ANKRD36B: variants seen among roughly 807,000 people sequenced by gnomAD.
The protein encoded by ANKRD36B is ankyrin repeat domain 36B.
A neutral mutation model predicts 135.7 loss-of-function variants in ANKRD36B; 37 were observed. The observed-to-expected ratio is 0.27, with a 90% CI of 0.21 to 0.36. ANKRD36B has a LOEUF of 0.36. ANKRD36B is among the 10% of genes least tolerant of loss of function. ANKRD36B has a pLI of 1.00. For missense variants in ANKRD36B, 549 were observed against 1,037.1 expected, an observed-to-expected ratio of 0.53 and a Z score of 6.46; for synonymous variants, 179 against 348.1, an observed-to-expected ratio of 0.51 and a Z score of 5.41.
At chr2:97,573,527 G>C (rs2082025867) in intron 6 of ANKRD36B, among the ~76,000 whole-genome samples, 1 of 151,976 alleles carries the variant, frequency 6.6e-6, no homozygotes. Context: ...TCACAGAATT[G>C]GAAAAAACTA....
intron 11 of ANKRD36B, 28 bp from the exon 12 acceptor site, chr2:97,557,037 A>C (rs985169865): frequency 4.5e-5 from 69 of 1,548,486 alleles, no homozygotes; most frequent in Admixed American, 1.4e-4. Flanking sequence ...CAAAATAGTC[A>C]ATACATAATA....
intron 6 of ANKRD36B, among the ~76,000 whole-genome samples, chr2:97,570,742 G>C (rs1335824631): frequency 6.6e-6 from 1 of 152,156 alleles, no homozygotes; most frequent in South Asian, 2.1e-4. Context: ...TTTGCCCTGA[G>C]CCAATTTTAC....
intron 3 of ANKRD36B, among the ~76,000 whole-genome samples, chr2:97,581,549 T>C (rs2082634114): frequency 6.6e-6 from 1 of 151,818 alleles, no homozygotes; most frequent in African/African-American, 2.4e-5. Flanking sequence ...GAAATGTTAT[T>C]CTCAATTACA....
At chr2:97,570,279 C>A (rs1340648963) in intron 6 of ANKRD36B, among the ~76,000 whole-genome samples, 4 of 152,058 alleles carry the variant, frequency 2.6e-5, no homozygotes, top group African/African-American at 9.7e-5. Flanking sequence ...ATTTTTAAGA[C>A]ACCTAAAATT....
chr2:97,538,581 A>T (rs1216799262), intron 30 of ANKRD36B, among the ~76,000 whole-genome samples: 1 of 96,388 alleles, frequency 1.0e-5, no homozygotes, highest in African/African-American at 3.1e-5. Context: ...AATTACAAAG[A>T]GGTATTTTGC....
At chr2:97,524,097 A>G (rs1449892241) in intron 35 of ANKRD36B, 1 of 90,090 alleles carries the variant, frequency 1.1e-5, no homozygotes, top group African/African-American at 3.3e-5. Context: ...TTTGCACTAC[A>G]GTTGTCACAT....
chr2:97,562,175 T>C (rs578196434), intron 6 of ANKRD36B, among the ~76,000 whole-genome samples: 1 of 151,732 alleles, frequency 6.6e-6, no homozygotes, highest in South Asian at 2.1e-4. Context: ...CCTATGAAAA[T>C]AAACTAAACA....
chr2:97,566,218 G>A (rs974901185), intron 6 of ANKRD36B, among the ~76,000 whole-genome samples: 23 of 152,156 alleles, frequency 1.5e-4, no homozygotes, highest in African/African-American at 5.5e-4. Context: ...CTACTCGGGA[G>A]GCTGAGACAG....
In ANKRD36B at chr2:97,529,770, A is replaced by T. The variant is rs2078459472; in HGVS notation, c.2265+2541T>A. Among the ~76,000 whole-genome samples the T allele has an allele frequency of 2.1e-5, 2 of 95,388 alleles. 1 individual carries two copies. Among genetic ancestry groups the T allele is most frequent in the Non-Finnish European group, 5.6e-5 (2 of 35,512 alleles). 62.6% of individuals were successfully genotyped at this position (95,388 alleles called of 152,430 possible). A position where few individuals can be genotyped will look rare whatever the true frequency, so the allele number is the denominator to read the frequency against. On this transcript the variant is annotated intron_variant, in intron 35 of 43. Transcript: ENST00000359901. ...TCTTATACAACAATAACAGACAAAC[A>T]GAGAGCCAAATCATGAGTGAATTCC...
chr2:97,548,589 T>C (rs2079723859), intron 20 of ANKRD36B, among the ~76,000 whole-genome samples: 2 of 151,938 alleles, frequency 1.3e-5, no homozygotes, highest in Non-Finnish European at 2.9e-5. Context: ...ATAGCTTTGT[T>C]GGGAGTATCA....
intron 10 of ANKRD36B, among the ~76,000 whole-genome samples, chr2:97,558,209 T>C (rs1430536348): frequency 6.6e-6 from 1 of 152,040 alleles, no homozygotes; most frequent in Non-Finnish European, 1.5e-5. Flanking sequence ...TCCTTCCTGC[T>C]TCCACTGTTT....
intron 14 of ANKRD36B, 112 bp downstream of exon 14, chr2:97,554,948 T>C (rs2104704237): frequency 2.2e-6 from 3 of 1,353,084 alleles, no homozygotes; most frequent in African/African-American, 2.9e-5. Flanking sequence ...ATCTCTGGCC[T>C]GCTGAATCAG....
intron 6 of ANKRD36B, among the ~76,000 whole-genome samples, chr2:97,573,681 C>T (rs183222267): frequency 3.9e-3 from 595 of 152,164 alleles, no homozygotes; most frequent in Non-Finnish European, 6.1e-3. Flanking sequence ...GTACTGGTAC[C>T]GAAATGGAGA....
chr2:97,564,193 T>C (rs2081265971), intron 6 of ANKRD36B, among the ~76,000 whole-genome samples: 1 of 152,048 alleles, frequency 6.6e-6, no homozygotes, highest in Admixed American at 6.6e-5. Context: ...AAGTTCTTGG[T>C]TACATGTCGT....
At chr2:97,578,763 G>C in intron 5 of ANKRD36B, 143 bp downstream of exon 5, 1 of 1,100,412 alleles carries the variant, frequency 9.1e-7, no homozygotes. Flanking sequence ...CACAACTCTC[G>C]AAAACTTAAA....
chr2:97,578,950 A>G lies in ANKRD36B; in HGVS notation c.651T>C (p.Tyr217=), dbSNP rs764075325. Residue 217 remains tyrosine, a synonymous_variant, in exon 5 of 44, where the codon TAT becomes TAC. Coordinates refer to ENST00000359901, the MANE Select transcript of ANKRD36B (RefSeq NM_001393939.1). ...TGGCATAATCTTCTGCAAGCTTTCCATACACATCTCGAGAAAACACATCAA... is the reference window on the plus strand; with the variant it reads ...TGGCATAATCTTCTGCAAGCTTTCCGTACACATCTCGAGAAAACACATCAA... ...HNIDVFSRDV[Y]GKLAEDYASE... 7 of 1,613,088 alleles carry G rather than the reference A, an allele frequency of 4.3e-6. No individual in the cohort carries two copies. In the East Asian group the frequency reaches 1.1e-4, roughly 26 times the overall value.
chr2:97,514,648 C>G (rs1334463529), intron 37 of ANKRD36B, among the ~76,000 whole-genome samples: 1 of 93,124 alleles, frequency 1.1e-5, no homozygotes, highest in Non-Finnish European at 2.8e-5. Context: ...TTACCCTACA[C>G]TTTTTAAGAT....
Position 97,524,318 on chromosome 2 carries a change from T to A in ANKRD36B, c.2266-851A>T, listed in dbSNP as rs2078078849. On this transcript the variant is annotated intron_variant, in intron 35 of 43. Coordinates refer to ENST00000359901, the MANE Select transcript of ANKRD36B (RefSeq NM_001393939.1). ...AGCGGTGTTTTGGTTTTTTGTCATT[T>A]GCCTCACAACCTATTTGACTTCTTT... 3 of 96,090 alleles carry A rather than the reference T, an allele frequency of 3.1e-5. 1 individual carries two copies. The highest frequency in any genetic ancestry group is 9.3e-5 in the African/African-American group (3 of 32,130). The allele number at this position is 96,090 out of a possible 1,614,324, so 6.0% of individuals were successfully genotyped here.
At chr2:97,546,578 T>C (rs1281905920) in intron 22 of ANKRD36B, among the ~76,000 whole-genome samples, 1 of 151,760 alleles carries the variant, frequency 6.6e-6, no homozygotes, top group Admixed American at 6.6e-5. Flanking sequence ...AACTATGACA[T>C]ATTTCTTCAA....
Sources: allele counts gnomAD v4.1 joint callset (sites outside exome capture counted in the v4.1 genomes callset), GRCh38; gene constraint gnomAD v4.1.1; transcripts MANE v1.5; gene names NCBI Gene and HGNC (gene_info 2026-07-23, HGNC 2026-07-21).